The following APMAP variants were observed in gnomAD, a reference collection of about 807,000 sequenced individuals.
The protein encoded by APMAP is adipocyte plasma membrane associated protein.
A neutral mutation model predicts 43.6 loss-of-function variants in APMAP; 33 were observed. The observed-to-expected ratio is 0.76, with a 90% confidence interval of 0.57 to 1.01. The LOEUF is 1.01. Ranked by LOEUF, APMAP falls within the 50% of genes least tolerant of loss-of-function variation. The probability of loss-of-function intolerance (pLI) is 0.00; values close to 1 mark genes in which losing one functional copy is unlikely to be tolerated. For synonymous variants in APMAP, 224 were observed against 216.7 expected, an observed-to-expected ratio of 1.03 and a Z score of -0.30; for missense variants, 498 against 540.7, an observed-to-expected ratio of 0.92 and a Z score of 0.78.
intron 2 of APMAP, among the ~76,000 whole-genome samples, chr20:24,980,764 C>T (rs780401279): frequency 2.0e-5 from 3 of 150,964 alleles, no homozygotes; most frequent in Non-Finnish European, 3.0e-5. Context: ...CTACCAGCTT[C>T]GCTCGGCCTC....
At chr20:24,987,445 C>T (rs1252435770) in intron 1 of APMAP, among the ~76,000 whole-genome samples, 1 of 152,184 alleles carries the variant, frequency 6.6e-6, no homozygotes, top group African/African-American at 2.4e-5. Flanking sequence ...ATCTGCTGAA[C>T]ATTTGTGTGG....
chr20:24,990,337 CTT>C (rs2088181388), intron 1 of APMAP, among the ~76,000 whole-genome samples: 1 of 152,120 alleles, frequency 6.6e-6, no homozygotes, highest in Admixed American at 6.5e-5. Flanking sequence ...CAGTTCTATC[CTT>C]CTTCATTCAT....
rs200456339 is a variant in APMAP, at chr20:24,978,804, A to G, written c.291T>C (p.Asn97=). 1 of 1,584,340 alleles carries G rather than the reference A, an allele frequency of 6.3e-7. No individual in the cohort carries two copies. The highest frequency in any genetic ancestry group is 1.7e-5 in the Admixed American group (1 of 58,556). Residue 97 remains asparagine, a synonymous_variant, in exon 3 of 9, where the codon AAT becomes AAC. Transcript: ENST00000217456. The part of the protein sequence containing the change: ...KLRQAERLFE[N]QLVGPESIAH... ...CTATGGACTCCGGTCCAACAAGTTGATTTTCAAACAGCCTTTCTGCCTGTC... is the reference window on the plus strand; with the variant it reads ...CTATGGACTCCGGTCCAACAAGTTGGTTTTCAAACAGCCTTTCTGCCTGTC...
chr20:24,974,477 T>C (rs2088034081), intron 3 of APMAP, among the ~76,000 whole-genome samples: 1 of 152,172 alleles, frequency 6.6e-6, no homozygotes, highest in Non-Finnish European at 1.5e-5. Flanking sequence ...ACAAATACGG[T>C]AGATATTAAT....
In APMAP at chr20:24,973,658, A is replaced by C. The variant is rs2088025180; in HGVS notation, c.408T>G (p.Gly136=). Residue 136 remains glycine (G), a synonymous_variant, in exon 4 of 9, where the codon GGT becomes GGG. Coordinates refer to ENST00000217456, the MANE Select transcript of APMAP (RefSeq NM_020531.3). The part of the protein sequence containing the change: ...NGEIETIARF[G]SGPCKTRDDE... Reference sequence around the variant, plus strand: ...TCACCAACTTACTGCAAGGGCCCGAACCAAACCGGGCAATGGTCTCTATTT... The same window carrying C: ...TCACCAACTTACTGCAAGGGCCCGACCCAAACCGGGCAATGGTCTCTATTT... 1.2e-6 allele frequency: 2 copies of C among 1,613,964 alleles called. No individual in the cohort carries two copies. The highest frequency in any genetic ancestry group is 3.3e-5 in the Admixed American group (2 of 59,998).
intron 1 of APMAP, among the ~76,000 whole-genome samples, chr20:24,985,327 G>C (rs1024238099): frequency 4.6e-5 from 7 of 152,300 alleles, no homozygotes; most frequent in Middle Eastern, 3.4e-3. Flanking sequence ...AAAGACAAAG[G>C]AAAGACTAAG....
In APMAP at chr20:24,978,862, A is replaced by G. The variant is rs565873771; in HGVS notation, c.233T>C (p.Leu78Ser). The G allele has an allele frequency of 6.9e-5, 111 of 1,613,788 alleles. 2 individuals carry two copies. The South Asian group carries it at 1.1e-3, about 17-fold the overall frequency. The change falls in exon 3 of 9, where the codon TTG becomes TCG. Residue 78 changes from leucine (L) to serine (S), a missense_variant. Coordinates refer to ENST00000217456, the MANE Select transcript of APMAP (RefSeq NM_020531.3). The part of the protein sequence containing the change: ...QPLSFKEPPL[L>S]LGVLHPNTKL... ...CGTATTTGGATGCAGAACACCAAGCAAGAGCGGGGGTTCTTTGAAGCTGCA... is the reference window on the plus strand; with the variant it reads ...CGTATTTGGATGCAGAACACCAAGCGAGAGCGGGGGTTCTTTGAAGCTGCA...
chr20:24,973,533 C>A, intron 4 of APMAP, 112 bp downstream of exon 4: 3 of 1,042,166 alleles, frequency 2.9e-6, no homozygotes, highest in South Asian at 1.6e-5. Context: ...ACTAGATGGT[C>A]AGAGGTTCTT....
intron 1 of APMAP, among the ~76,000 whole-genome samples, chr20:24,988,193 C>T (rs1305777321): frequency 2.0e-5 from 3 of 152,220 alleles, no homozygotes. Flanking sequence ...TCATTATAAA[C>T]AGTAACAATC....
chr20:24,963,526 A>C lies in APMAP; in HGVS notation c.*287T>G. The stretch of plus-strand genomic sequence containing the variant: ...CAAGGAGCTTCCCAAATCCTAGAGA[A>C]TGACTGTACTTAGAAAGTTTTGTTT... On this transcript the variant is annotated 3_prime_UTR_variant, in exon 9 of 9. Transcript: ENST00000217456. 2 of 418,672 alleles carry C rather than the reference A, an allele frequency of 4.8e-6. No individual in the cohort carries two copies. The highest frequency in any genetic ancestry group is 4.8e-5 in the East Asian group (1 of 20,680). The allele number at this position is 418,672 out of a possible 1,614,324, so 25.9% of individuals were successfully genotyped here.
intron 6 of APMAP, among the ~76,000 whole-genome samples, 185 bp downstream of exon 6, chr20:24,970,012 C>T (rs138918500): frequency 1.5e-3 from 233 of 152,356 alleles, no homozygotes; most frequent in African/African-American, 5.2e-3. Context: ...TCAGAGAAAA[C>T]GAAAGCACCT....
At chr20:24,982,749 T>C (rs2088115493) in intron 2 of APMAP, among the ~76,000 whole-genome samples, 1 of 152,058 alleles carries the variant, frequency 6.6e-6, no homozygotes, top group Non-Finnish European at 1.5e-5. Flanking sequence ...CCCAGGTCAG[T>C]TTCCCTTTGG....
At chr20:24,966,152 A>C (rs547522019) in intron 8 of APMAP, among the ~76,000 whole-genome samples, 2 of 152,314 alleles carry the variant, frequency 1.3e-5, no homozygotes, top group East Asian at 3.9e-4. Context: ...AAGCAGGGAC[A>C]ATACAAGAGG....
chr20:24,977,638 C>G (rs1053064291), intron 3 of APMAP, among the ~76,000 whole-genome samples: 1 of 152,084 alleles, frequency 6.6e-6, no homozygotes, highest in Non-Finnish European at 1.5e-5. Context: ...AAAGCTGGGA[C>G]CTGGTGACAA....
chr20:24,978,744 C>CG lies in APMAP; in HGVS notation c.328+22_328+23insC, dbSNP rs1555845601. The CG allele has an allele frequency of 2.3e-6, 3 of 1,311,188 alleles. No homozygotes were observed. In the South Asian group the frequency reaches 3.5e-5, roughly 15 times the overall value. 81.2% of individuals were successfully genotyped at this position (1,311,188 alleles called of 1,614,324 possible). A position where few individuals can be genotyped will look rare whatever the true frequency, so the allele number is the denominator to read the frequency against. ...ACAACAGACAGCCTGGAAGGCTCCC[C>CG]CCCCACCCAAGCTTAGACTTACCCC... On this transcript the variant is annotated intron_variant, in intron 3 of 8. Coordinates refer to ENST00000217456, the MANE Select transcript of APMAP (RefSeq NM_020531.3).
rs2087909415 is a variant in APMAP at position 24,962,970 on chromosome 20, A to G, written c.*843T>C. 6.6e-6 allele frequency: 1 copy of G among 152,226 alleles called. No homozygotes were observed. The highest frequency in any genetic ancestry group is 2.4e-5 in the African/African-American group (1 of 41,464). The allele number at this position is 152,226 out of a possible 1,614,324, so 9.4% of individuals were successfully genotyped here. A position where few individuals can be genotyped will look rare whatever the true frequency, so the allele number is the denominator to read the frequency against. On this transcript the variant is annotated 3_prime_UTR_variant, in exon 9 of 9. Coordinates refer to ENST00000217456, the MANE Select transcript of APMAP (RefSeq NM_020531.3). ...CGATTTATCGTTATTTATTATCAAAATCATGACCAGTGTGTAGACATACTT... is the reference window on the plus strand; with the variant it reads ...CGATTTATCGTTATTTATTATCAAAGTCATGACCAGTGTGTAGACATACTT...
chr20:24,992,638 G>T lies in APMAP; in HGVS notation c.51C>A (p.Val17=). 6.4e-7 allele frequency: 1 copy of T among 1,568,998 alleles called. No homozygotes were observed. Among genetic ancestry groups the T allele is most frequent in the Non-Finnish European group, 8.6e-7 (1 of 1,158,664 alleles). The stretch of plus-strand genomic sequence containing the variant: ...GGGCCTGGCCATCATCGTCTGTGAC[G>T]ACCTGCGGCCGCAGGGGCCGGCGCT... ...LRQRRPLRPQ[V]VTDDDGQAPE... The change falls in exon 1 of 9, where the codon GTC becomes GTA. Residue 17 remains valine (V), a synonymous_variant. Transcript: ENST00000217456.
At position 24,992,617 on chromosome 20, in the gene APMAP, C is replaced by T. The variant is rs1355553609; in HGVS notation, c.72G>A (p.Gln24=). ...ACCTGCCGTCCTTAGCCTCCGGGGC[C>T]TGGCCATCATCGTCTGTGACGACCT... The part of the protein sequence containing the change: ...RPQVVTDDDG[Q]APEAKDGSSF... Residue 24 remains glutamine, a synonymous_variant, in exon 1 of 9, where the codon CAG becomes CAA. Coordinates refer to ENST00000217456, the MANE Select transcript of APMAP (RefSeq NM_020531.3). 1 of 1,569,482 alleles carries T rather than the reference C, an allele frequency of 6.4e-7. No homozygotes were observed. The highest frequency in any genetic ancestry group is 8.6e-7 in the Non-Finnish European group (1 of 1,158,114).
chr20:24,985,826 T>C (rs73114358), intron 1 of APMAP, among the ~76,000 whole-genome samples: 3 of 148,428 alleles, frequency 2.0e-5, no homozygotes, highest in African/African-American at 7.7e-5. Flanking sequence ...GAGGGGAGCA[T>C]AGCAGGAAAA....
Sources: allele counts gnomAD v4.1 joint callset (sites outside exome capture counted in the v4.1 genomes callset), GRCh38; gene constraint gnomAD v4.1.1; transcripts MANE v1.5; gene names NCBI Gene and HGNC (gene_info 2026-07-23, HGNC 2026-07-21).